TAF12: variants seen among roughly 807,000 people sequenced by gnomAD.
TAF12 encodes the protein transcription initiation factor TFIID subunit 12.
A neutral mutation model predicts 20.8 loss-of-function variants in TAF12; 3 were observed. The observed-to-expected ratio is 0.14, with a 90% confidence interval of 0.07 to 0.37. The LOEUF is 0.37. Ranked by LOEUF, TAF12 falls within the 10% of genes least tolerant of loss-of-function variation. The probability of loss-of-function intolerance (pLI) is 1.00; values close to 1 mark genes in which losing one functional copy is unlikely to be tolerated. For synonymous variants in TAF12, 69 were observed against 70.2 expected, an observed-to-expected ratio of 0.98 and a Z score of 0.09; for missense variants, 131 against 197.9, an observed-to-expected ratio of 0.66 and a Z score of 2.03.
intron 4 of TAF12, 73 bp downstream of exon 4, chr1:28,613,174 C>T (rs1007993314): frequency 1.5e-6 from 2 of 1,311,118 alleles, no homozygotes; most frequent in African/African-American, 1.5e-5. Flanking sequence ...GAAGGTTCCT[C>T]TGACTACACT....
chr1:28,608,998 C>T (rs960692088), intron 4 of TAF12, among the ~76,000 whole-genome samples: 11 of 152,192 alleles, frequency 7.2e-5, no homozygotes, highest in African/African-American at 2.6e-4. Flanking sequence ...TGAATACATA[C>T]ATGTATGTGT....
At chr1:28,641,186 G>A (rs770396755) in intron 1 of TAF12, among the ~76,000 whole-genome samples, 1 of 151,878 alleles carries the variant, frequency 6.6e-6, no homozygotes, top group Non-Finnish European at 1.5e-5. Flanking sequence ...AGTTTTTACT[G>A]GAAATAAAAA....
At chr1:28,628,864 G>A (rs2124359844) in intron 1 of TAF12, among the ~76,000 whole-genome samples, 1 of 152,296 alleles carries the variant, frequency 6.6e-6, no homozygotes, top group African/African-American at 2.4e-5. Context: ...CCTGAGGTTG[G>A]GAGTTCGAGA....
chr1:28,603,342 G>T lies in TAF12; in HGVS notation c.*197C>A, dbSNP rs531198534. The T allele has an allele frequency of 1.8e-6, 1 of 564,350 alleles. No homozygotes were observed. Among genetic ancestry groups the T allele is most frequent in the African/African-American group, 1.9e-5 (1 of 53,394 alleles). The allele number at this position is 564,350 out of a possible 1,614,324, so 35.0% of individuals were successfully genotyped here. A position where few individuals can be genotyped will look rare whatever the true frequency, so the allele number is the denominator to read the frequency against. On this transcript the variant is annotated 3_prime_UTR_variant, in exon 6 of 6. Transcript: ENST00000373824. ...CTCCTCTTTGAGATGGCAGGGAAAA[G>T]GGACCGGAAGTTGGGGTAGGAGGCT...
intron 1 of TAF12, 101 bp from the exon 2 acceptor site, chr1:28,622,266 T>A: frequency 1.7e-6 from 2 of 1,197,418 alleles, no homozygotes; most frequent in Non-Finnish European, 2.1e-6. Context: ...ACAACTGTAA[T>A]CCCAGCACTT....
intron 1 of TAF12, among the ~76,000 whole-genome samples, chr1:28,623,714 T>C (rs1667295474): frequency 6.6e-6 from 1 of 152,228 alleles, no homozygotes; most frequent in Non-Finnish European, 1.5e-5. Context: ...GTCAGGGCTA[T>C]GCCCAATAAA....
rs147570760 is a variant in TAF12, at chr1:28,618,016, C to T, written c.183G>A (p.Lys61=). 4,367 of 1,613,738 alleles carry T rather than the reference C, an allele frequency of 2.7e-3. 10 individuals carry two copies. Among genetic ancestry groups the T allele is most frequent in the Non-Finnish European group, 3.5e-3 (4,126 of 1,179,866 alleles). The part of the protein sequence containing the change: ...SPENNQVLTK[K]KLQDLVREVD... ...CTTCTCTTACTAAGTCCTGTAATTT[C>T]TTCTTGGTCAATACCTAAAGTTAAT... The change falls in exon 3 of 6, where the codon AAG becomes AAA. Residue 61 remains lysine (K), a synonymous_variant. Coordinates refer to ENST00000373824, the MANE Select transcript of TAF12 (RefSeq NM_005644.4).
intron 1 of TAF12, among the ~76,000 whole-genome samples, chr1:28,631,292 C>G (rs763001099): frequency 6.1e-4 from 93 of 152,028 alleles, no homozygotes; most frequent in Non-Finnish European, 1.0e-3. Context: ...GAGGCCGAGG[C>G]AGGCAGATCA....
intron 4 of TAF12, among the ~76,000 whole-genome samples, chr1:28,609,825 T>C (rs1412776593): frequency 2.0e-5 from 3 of 151,876 alleles, no homozygotes; most frequent in Admixed American, 2.0e-4. Context: ...GCATCATCCA[T>C]CTCCAGAACT....
intron 3 of TAF12, among the ~76,000 whole-genome samples, chr1:28,616,407 AAAAAG>A (rs1184576413): frequency 2.6e-5 from 4 of 151,198 alleles, no homozygotes; most frequent in African/African-American, 7.3e-5. Context: ...AAAAAAAAAA[AAAAAG>A]AAAAGAAAAA....
At chr1:28,629,204 CCAAGAA>C (rs1175930247) in intron 1 of TAF12, among the ~76,000 whole-genome samples, 1 of 152,010 alleles carries the variant, frequency 6.6e-6, no homozygotes, top group Non-Finnish European at 1.5e-5. Flanking sequence ...GCCTATGGGA[CCAAGAA>C]CGTCTTATTT....
In TAF12 at chr1:28,620,593, G is replaced by A. The variant is rs1187788088; in HGVS notation, c.168+1321C>T. Among the ~76,000 whole-genome samples, 6 of 151,872 alleles carry A rather than the reference G, an allele frequency of 4.0e-5. No homozygotes were observed. The South Asian group carries it at 6.2e-4, about 16-fold the overall frequency. On this transcript the variant is annotated intron_variant, in intron 2 of 5. Coordinates refer to ENST00000373824, the MANE Select transcript of TAF12 (RefSeq NM_005644.4). ...TGGGACTACAGGCGCCTGCCACCAC[G>A]CCTGGCTAATGTTTTTGTATTTTTA...
upstream of TAF12, among the ~76,000 whole-genome samples, chr1:28,646,791 T>C (rs1668200439): frequency 6.7e-6 from 1 of 150,192 alleles, no homozygotes; most frequent in Non-Finnish European, 1.5e-5. Context: ...CTCCACCTCC[T>C]GGGTTCACGC....
intron 1 of TAF12, among the ~76,000 whole-genome samples, chr1:28,626,581 CAAA>C (rs549427311): frequency 1.3e-4 from 8 of 60,290 alleles, no homozygotes; most frequent in East Asian, 5.4e-4. Context: ...AACTCTGTCT[CAAA>C]AAAAAAAAAA....
chr1:28,633,369 T>C (rs1207546474), intron 1 of TAF12, among the ~76,000 whole-genome samples: 1 of 143,520 alleles, frequency 7.0e-6, no homozygotes, highest in African/African-American at 2.6e-5. Context: ...CATTTCGTCA[T>C]GTTGGCCAGG....
upstream of TAF12, chr1:28,643,175 C>T: frequency 3.3e-6 from 3 of 916,120 alleles, no homozygotes; most frequent in Non-Finnish European, 3.9e-6. Context: ...GCGCAGACTG[C>T]CCTCCGACAC....
At chr1:28,628,423 A>G (rs1363059218) in intron 1 of TAF12, among the ~76,000 whole-genome samples, 1 of 152,116 alleles carries the variant, frequency 6.6e-6, no homozygotes, top group East Asian at 1.9e-4. Flanking sequence ...TTACATTTAT[A>G]TGAAATGTCC....
At chr1:28,622,475 A>C (rs1667251039) in intron 1 of TAF12, among the ~76,000 whole-genome samples, 2 of 152,126 alleles carry the variant, frequency 1.3e-5, no homozygotes, top group African/African-American at 4.8e-5. Flanking sequence ...TGAGGGAATG[A>C]AGAATGTTTA....
rs1326920110 is a variant in TAF12, at chr1:28,628,987, G to A, written c.-84-6822C>T. ...TTTGGGAGGCTGAGGCAGGAGAATC[G>A]CTTGCATGGAGAGGCAGAGGTTGCA... On this transcript the variant is annotated intron_variant, in intron 1 of 5. Coordinates refer to ENST00000373824, the MANE Select transcript of TAF12 (RefSeq NM_005644.4). 2.6e-5 allele frequency among the ~76,000 whole-genome samples: 4 copies of A among 152,174 alleles called. No individual in the cohort carries two copies. The South Asian group carries it at 6.2e-4, about 24-fold the overall frequency.
Sources: allele counts gnomAD v4.1 joint callset (sites outside exome capture counted in the v4.1 genomes callset), GRCh38; gene constraint gnomAD v4.1.1; transcripts MANE v1.5; gene names NCBI Gene and HGNC (gene_info 2026-07-23, HGNC 2026-07-21).